The following CELF2 variants were observed in gnomAD, a reference collection of about 807,000 sequenced individuals.
CELF2 encodes the protein CUGBP Elav-like family member 2.
In CELF2, 8 loss-of-function variants were observed where a neutral mutation model predicts 62.6. That is an observed-to-expected ratio of 0.13 (90% CI 0.07 to 0.23). The LOEUF is 0.23. Ranked by LOEUF, CELF2 falls within the 10% of genes least tolerant of loss-of-function variation. The probability of loss-of-function intolerance (pLI) is 1.00; values close to 1 mark genes in which losing one functional copy is unlikely to be tolerated. For synonymous variants in CELF2, 258 were observed against 250.0 expected (o/e 1.03, Z -0.30); for missense variants, 333 against 671.0 (o/e 0.50, Z 5.56).
the CELF2 span, among the ~76,000 whole-genome samples, chr10:10,544,603 A>C: frequency 3.9e-5 from 6 of 152,380 alleles, no homozygotes; most frequent in South Asian, 1.2e-3. Flanking sequence ...TTATCCATTA[A>C]AACAATGGCT....
intron 1 of CELF2, among the ~76,000 whole-genome samples, chr10:10,896,614 C>A (rs1199317702): frequency 6.6e-6 from 1 of 152,024 alleles, no homozygotes; most frequent in East Asian, 1.9e-4. Context: ...CAGGTGACAA[C>A]AGAGGCGGAG....
intron 3 of CELF2, among the ~76,000 whole-genome samples, chr10:11,219,867 A>T (rs1238776830): frequency 6.6e-6 from 1 of 152,236 alleles, no homozygotes; most frequent in East Asian, 1.9e-4. Context: ...ATTCTAAACC[A>T]ATATACACCT....
rs2065834678 is a variant in CELF2 at position 11,224,426 on chromosome 10, C to A, written c.354+6919C>A. 6.6e-6 allele frequency among the ~76,000 whole-genome samples: 1 copy of A among 152,152 alleles called. No homozygotes were observed. Among genetic ancestry groups the A allele is most frequent in the Admixed American group, 6.5e-5 (1 of 15,276 alleles). The stretch of plus-strand genomic sequence containing the variant: ...AGTTAGATTTCAGAGATAATCATTT[C>A]TCTACGACAGCCCAAGATTAAACTG... On this transcript the variant is annotated intron_variant, in intron 3 of 12. Transcript: ENST00000633077. The surrounding 1 kb of genome is among the most constrained non-coding windows in gnomAD (Gnocchi z 4.5).
In CELF2 at chr10:11,268,406, C is replaced by T. The variant is rs546045412; in HGVS notation, c.618+1729C>T. On this transcript the variant is annotated intron_variant, in intron 6 of 12. Transcript: ENST00000633077. The surrounding 1 kb of genome is among the most constrained non-coding windows in gnomAD (Gnocchi z 4.7). ...ACGATCCCCATTCCTTCCCTTGGAG[C>T]CCCCCCAGTAATGCTCAGAGAGCCA... 1.4e-4 allele frequency among the ~76,000 whole-genome samples: 21 copies of T among 152,050 alleles called. No individual in the cohort carries two copies. The highest frequency in any genetic ancestry group is 4.8e-4 in the African/African-American group (20 of 41,478).
intron 8 of CELF2, among the ~76,000 whole-genome samples, chr10:11,277,308 T>C (rs2086505966): frequency 6.6e-6 from 1 of 152,238 alleles, no homozygotes; most frequent in African/African-American, 2.4e-5. Flanking sequence ...GGAGTGACCA[T>C]GGTGAATGGG....
At chr10:10,664,183 AAAT>A in the CELF2 span, among the ~76,000 whole-genome samples, 1 of 152,196 alleles carries the variant, frequency 6.6e-6, no homozygotes, top group African/African-American at 2.4e-5. Flanking sequence ...CAGCAACTAA[AAAT>A]AATAGGCATA....
chr10:10,744,095 C>G, the CELF2 span, among the ~76,000 whole-genome samples: 5 of 152,094 alleles, frequency 3.3e-5, no homozygotes, highest in Non-Finnish European at 7.4e-5. Context: ...AGATCTAAAA[C>G]AGTGAAATTA....
chr10:10,583,732 G>A, the CELF2 span, among the ~76,000 whole-genome samples: 4 of 152,234 alleles, frequency 2.6e-5, no homozygotes, highest in South Asian at 8.3e-4. Context: ...ACCGAGACTG[G>A]CACTATCCTC....
Position 11,011,462 on chromosome 10 carries a change from A to AT in CELF2, c.53+6024dup, listed in dbSNP as rs930787379. Among the ~76,000 whole-genome samples, 5 of 146,750 alleles carry AT rather than the reference A, an allele frequency of 3.4e-5. No homozygotes were observed. Among genetic ancestry groups the AT allele is most frequent in the African/African-American group, 1.3e-4 (5 of 37,628 alleles). ...AGGACACCCTGAATTCATCTTTATTATTAAAAAAAAAAAAAACGCAAAATA... is the reference window on the plus strand; with the variant it reads ...AGGACACCCTGAATTCATCTTTATTATTTAAAAAAAAAAAAAACGCAAAATA... On this transcript the variant is annotated intron_variant, in intron 1 of 12. Transcript: ENST00000416382. This position sits in a 1 kb window ranked among gnomAD's most constrained non-coding sequence, Gnocchi z 4.6.
chr10:11,006,643 G>C (rs2055326015), intron 1 of CELF2, among the ~76,000 whole-genome samples: 2 of 152,156 alleles, frequency 1.3e-5, no homozygotes, highest in Admixed American at 1.3e-4. Flanking sequence ...ACAGTTTTTA[G>C]TCTCTGCTTC....
chr10:11,192,654 G>C (rs573997955), intron 2 of CELF2, among the ~76,000 whole-genome samples: 1 of 152,226 alleles, frequency 6.6e-6, no homozygotes, highest in Non-Finnish European at 1.5e-5. Context: ...GATCTGGACA[G>C]TATTCATCTC....
the CELF2 span, among the ~76,000 whole-genome samples, chr10:10,643,363 A>G: frequency 2.0e-5 from 3 of 152,014 alleles, no homozygotes; most frequent in Non-Finnish European, 4.4e-5. Context: ...GTCTCACGAG[A>G]TCTGATGGTT....
chr10:10,635,694 T>C, the CELF2 span, among the ~76,000 whole-genome samples: 1 of 152,198 alleles, frequency 6.6e-6, no homozygotes, highest in African/African-American at 2.4e-5. Context: ...AAAATAAGCA[T>C]GTTCGAGTTG....
the CELF2 span, among the ~76,000 whole-genome samples, chr10:10,724,977 G>A: frequency 2.6e-5 from 4 of 152,280 alleles, no homozygotes; most frequent in South Asian, 2.1e-4. Context: ...TGGCAGCTAC[G>A]TAAGACATTT....
chr10:10,988,234 TATAG>T (rs2053012045), intron 2 of CELF2, among the ~76,000 whole-genome samples: 1 of 151,518 alleles, frequency 6.6e-6, no homozygotes, highest in East Asian at 1.9e-4. Flanking sequence ...ATGTGACATA[TATAG>T]ATATATAGAT....
At position 11,223,188 on chromosome 10, in the gene CELF2, G is replaced by A. The variant is rs75016006; in HGVS notation, c.354+5681G>A. Reference sequence around the variant, plus strand: ...GAGGGTGCTTGAGAAATGGCCGTGCGATGATGGTGAGCTCTGCTTCCCAGC... The same window carrying A: ...GAGGGTGCTTGAGAAATGGCCGTGCAATGATGGTGAGCTCTGCTTCCCAGC... On this transcript the variant is annotated intron_variant, in intron 3 of 12. Coordinates refer to ENST00000633077, the MANE Select transcript of CELF2 (RefSeq NM_001326342.2). The surrounding 1 kb of genome is among the most constrained non-coding windows in gnomAD (Gnocchi z 5.1). Among the ~76,000 whole-genome samples, 795 of 152,336 alleles carry A rather than the reference G, an allele frequency of 5.2e-3. 4 individuals are homozygous for A. The highest frequency in any genetic ancestry group is 0.018 in the African/African-American group (764 of 41,570).
At chr10:10,640,885 A>T in the CELF2 span, among the ~76,000 whole-genome samples, 1 of 152,170 alleles carries the variant, frequency 6.6e-6, no homozygotes, top group Non-Finnish European at 1.5e-5. Flanking sequence ...TGGAAACTCC[A>T]TTGGCCATCT....
the CELF2 span, among the ~76,000 whole-genome samples, chr10:10,792,940 C>T: frequency 0.25 from 38,192 of 152,028 alleles, 5,245 homozygotes; most frequent in East Asian, 0.52. Flanking sequence ...TTCCCCTTCC[C>T]CTGGCTTTAA....
At chr10:10,975,362 C>G (rs2051209125) in intron 2 of CELF2, among the ~76,000 whole-genome samples, 1 of 152,136 alleles carries the variant, frequency 6.6e-6, no homozygotes, top group Non-Finnish European at 1.5e-5. Context: ...AAGTGATCCT[C>G]CTGCCTCAAT....
Sources: gnomAD v4.1 joint callset for allele counts (sites outside exome capture counted in the v4.1 genomes callset) on GRCh38, gnomAD v4.1.1 for gene constraint, Gnocchi (gnomAD v3.1) non-coding constraint, MANE v1.5 for transcripts, NCBI Gene and HGNC (gene_info 2026-07-23, HGNC 2026-07-21) for gene names.